The following MEI1 variants were observed in gnomAD, a reference collection of about 807,000 sequenced individuals.
MEI1 encodes the protein meiosis inhibitor protein 1.
MEI1 carries 103 observed loss-of-function variants against 146.2 expected under a neutral mutation model. That is an observed-to-expected ratio of 0.70 (90% CI 0.60 to 0.83). The LOEUF is 0.83. Among genes scored for constraint, MEI1 ranks in the 40% least tolerant of loss-of-function variants. The pLI is 0.00. For missense variants in MEI1, 1,529 were observed against 1,533.0 expected (o/e 1.00, Z 0.04); for synonymous variants, 652 against 628.2 (o/e 1.04, Z -0.57).
At chr22:41,771,118 A>G (rs2075158622) in intron 20 of MEI1, among the ~76,000 whole-genome samples, 157 bp downstream of exon 20, 3 of 152,150 alleles carry the variant, frequency 2.0e-5, no homozygotes, top group Admixed American at 2.0e-4. Flanking sequence ...GGTCTCTTCT[A>G]CTTGTAGGTG....
chr22:41,760,106 G>A (rs934855578), intron 18 of MEI1, among the ~76,000 whole-genome samples: 2 of 151,870 alleles, frequency 1.3e-5, no homozygotes, highest in South Asian at 2.1e-4. Flanking sequence ...TCAGGAGATC[G>A]AGACCATCAT....
intron 26 of MEI1, among the ~76,000 whole-genome samples, 179 bp downstream of exon 26, chr22:41,784,962 G>A (rs928371818): frequency 4.5e-5 from 6 of 134,458 alleles, no homozygotes; most frequent in Admixed American, 1.4e-4. Flanking sequence ...TAGAGACAGA[G>A]TTTCGCTCTT....
chr22:41,756,763 C>T (rs987472150), intron 17 of MEI1, among the ~76,000 whole-genome samples: 1 of 152,226 alleles, frequency 6.6e-6, no homozygotes, highest in Non-Finnish European at 1.5e-5. Flanking sequence ...CTTGAGCCAC[C>T]ACGCCTATCC....
intron 7 of MEI1, among the ~76,000 whole-genome samples, chr22:41,726,297 G>A (rs1188925450): frequency 6.6e-6 from 1 of 152,176 alleles, no homozygotes; most frequent in Non-Finnish European, 1.5e-5. Flanking sequence ...GTCATCAAGT[G>A]TAATGAGCTA....
chr22:41,707,982 A>G (rs1195651238), intron 3 of MEI1, among the ~76,000 whole-genome samples: 1 of 152,134 alleles, frequency 6.6e-6, no homozygotes, highest in Non-Finnish European at 1.5e-5. Context: ...ACATATTTGA[A>G]CTCCCATAGA....
At chr22:41,754,092 T>C (rs1308677586) in intron 17 of MEI1, 46 bp downstream of exon 17, 2 of 1,426,086 alleles carry the variant, frequency 1.4e-6, no homozygotes, top group Non-Finnish European at 9.9e-7. Flanking sequence ...TGCTGGTCTT[T>C]AGAGTCTGGG....
chr22:41,709,657 T>C (rs2069383770), intron 3 of MEI1, among the ~76,000 whole-genome samples: 1 of 152,078 alleles, frequency 6.6e-6, no homozygotes, highest in Non-Finnish European at 1.5e-5. Context: ...CTTTTACTAT[T>C]GAATATGAGA....
intron 24 of MEI1, among the ~76,000 whole-genome samples, chr22:41,783,255 C>T (rs2075829855): frequency 6.6e-6 from 1 of 151,718 alleles, no homozygotes; most frequent in African/African-American, 2.4e-5. Flanking sequence ...TCCCATATAA[C>T]ACCCCCCCTC....
rs913176714 is a variant in MEI1 at position 41,770,809 on chromosome 22, C to T, written c.2392C>T (p.His798Tyr). 67 of 1,613,822 alleles carry T rather than the reference C, an allele frequency of 4.2e-5. No homozygotes were observed. The highest frequency in any genetic ancestry group is 5.2e-5 in the Non-Finnish European group (61 of 1,179,904). ...TCCAGAGCTCATGAGTAGGTATGGG[C>T]ACCGTGTCCTGGAACTTTGGTTCTT... ...LYPELMSRYGHRVLELWFFWE... is the reference protein window; with the variant it reads ...LYPELMSRYGYRVLELWFFWE... Residue 798 changes from histidine (H) to tyrosine (Y), a missense_variant, in exon 20 of 31, where the codon CAC (histidine) becomes TAC (tyrosine). This residue lies in a region of MEI1 where 1,212 missense variants were observed against 1,178.9 expected (regional missense o/e 1.03). Coordinates refer to ENST00000401548, the MANE Select transcript of MEI1 (RefSeq NM_152513.4).
chr22:41,758,265 C>T (rs757418327), intron 17 of MEI1, 100 bp from the exon 18 acceptor site: 4 of 1,150,380 alleles, frequency 3.5e-6, no homozygotes, highest in Non-Finnish European at 3.7e-6. Flanking sequence ...TTTACCCTTG[C>T]TGCCCTGTGC....
At chr22:41,786,601 G>A (rs2148199739) in intron 26 of MEI1, among the ~76,000 whole-genome samples, 1 of 152,336 alleles carries the variant, frequency 6.6e-6, no homozygotes, top group Middle Eastern at 3.4e-3. Context: ...ATAGTTCCCA[G>A]AATTGAGTCT....
In MEI1 at chr22:41,733,947, A is replaced by G. The variant is rs1217017855; in HGVS notation, c.1331+1344A>G. ...TTTGAGACCAGCCTGGCCAACATGT[A>G]GAAACCCTGTCTTTACTAAAAATAT... On this transcript the variant is annotated intron_variant, in intron 11 of 30. Coordinates refer to ENST00000401548, the MANE Select transcript of MEI1 (RefSeq NM_152513.4). Among the ~76,000 whole-genome samples the G allele has an allele frequency of 2.0e-5, 3 of 150,268 alleles. No homozygotes were observed. The East Asian group carries it at 6.0e-4, about 30-fold the overall frequency.
chr22:41,754,749 C>T (rs1053008786), intron 17 of MEI1, among the ~76,000 whole-genome samples: 2 of 152,126 alleles, frequency 1.3e-5, no homozygotes, highest in East Asian at 3.8e-4. Flanking sequence ...TTCTTGAGCA[C>T]CTGTTGTGTG....
intron 18 of MEI1, among the ~76,000 whole-genome samples, chr22:41,761,565 C>T (rs532773969): frequency 1.1e-4 from 16 of 152,130 alleles, no homozygotes; most frequent in African/African-American, 3.9e-4. Context: ...CTGCCCGCCT[C>T]GGCCTCCCAA....
rs528594000 is a variant in MEI1, at chr22:41,716,398, C to T, written c.529+252C>T. Among the ~76,000 whole-genome samples, 21 of 92,764 alleles carry T rather than the reference C, an allele frequency of 2.3e-4. No individual in the cohort carries two copies. The Admixed American group carries it at 2.6e-3, about 11-fold the overall frequency. The allele number at this position is 92,764 out of a possible 152,430, so 60.9% of individuals were successfully genotyped here. A position where few individuals can be genotyped will look rare whatever the true frequency, so the allele number is the denominator to read the frequency against. ...TTTTTTTTTTTTTTTTTTTTTGAGA[C>T]GGAGTCTTGCTCTTGTTGCCCAGGC... is the stretch of plus-strand genomic sequence containing the variant. On this transcript the variant is annotated intron_variant, in intron 5 of 30. Coordinates refer to ENST00000401548, the MANE Select transcript of MEI1 (RefSeq NM_152513.4).
intron 2 of MEI1, among the ~76,000 whole-genome samples, chr22:41,704,407 T>A (rs115055060): frequency 0.017 from 2,498 of 149,024 alleles, 84 homozygotes; most frequent in African/African-American, 0.06. Flanking sequence ...CATTGACAAT[T>A]CTTACCCTTT....
rs368254004 is a variant in MEI1 at position 41,770,967 on chromosome 22, C to T, written c.2544+6C>T. On this transcript the variant is annotated splice_donor_region_variant and intron_variant, in intron 20 of 30. Transcript: ENST00000401548. ...GCATCCTGCTCATCTTGCTGGTAGG[C>T]AACCACTCATTCATTTCTACATTCA... The T allele has an allele frequency of 4.3e-6, 7 of 1,611,510 alleles. No individual in the cohort carries two copies. Among genetic ancestry groups the T allele is most frequent in the African/African-American group, 1.3e-5 (1 of 74,864 alleles).
At position 41,784,280 on chromosome 22, in the gene MEI1, T is replaced by C. The variant is rs376325173; in HGVS notation, c.3088-59T>C. 806 of 1,495,202 alleles carry C rather than the reference T, an allele frequency of 5.4e-4. 1 individual carries two copies. The African/African-American group carries it at 9.1e-3, about 17-fold the overall frequency. 92.6% of individuals were successfully genotyped at this position (1,495,202 alleles called of 1,614,324 possible). ...TGATAGAAGAGATTTTCAGGCAGGTTATTTTCTGCCCAGGCTTCCAGAACA... is the reference window on the plus strand; with the variant it reads ...TGATAGAAGAGATTTTCAGGCAGGTCATTTTCTGCCCAGGCTTCCAGAACA... On this transcript the variant is annotated intron_variant, in intron 24 of 30. Transcript: ENST00000401548.
intron 11 of MEI1, among the ~76,000 whole-genome samples, chr22:41,733,755 A>G (rs1434613719): frequency 2.0e-5 from 3 of 152,076 alleles, no homozygotes; most frequent in Non-Finnish European, 4.4e-5. Flanking sequence ...ACAAAACAAA[A>G]CACCCAAACA....
Sources: gnomAD v4.1 joint callset for allele counts (sites outside exome capture counted in the v4.1 genomes callset) on GRCh38, gnomAD v4.1.1 for gene constraint, gnomAD v4.1.1 regional missense constraint, MANE v1.5 for transcripts, NCBI Gene and HGNC (gene_info 2026-07-23, HGNC 2026-07-21) for gene names.